NELL1: variants seen among roughly 807,000 people sequenced by gnomAD.
NELL1 encodes neural EGFL like 1.
In NELL1, 76 loss-of-function variants were observed where a neutral mutation model predicts 107.4. The observed-to-expected ratio is 0.71, with a 90% confidence interval of 0.59 to 0.86. The LOEUF is 0.86. Among genes scored for constraint, NELL1 ranks in the 40% least tolerant of loss-of-function variants. The probability of loss-of-function intolerance (pLI) is 0.00; values close to 1 mark genes in which losing one functional copy is unlikely to be tolerated. For synonymous variants in NELL1, 353 were observed against 341.2 expected, an observed-to-expected ratio of 1.03 and a Z score of -0.38; for missense variants, 1,024 against 1,005.5, an observed-to-expected ratio of 1.02 and a Z score of -0.25.
At chr11:21,319,564 A>G (rs1270864272) in intron 14 of NELL1, among the ~76,000 whole-genome samples, 1 of 148,356 alleles carries the variant, frequency 6.7e-6, no homozygotes, top group Admixed American at 6.8e-5. Flanking sequence ...CTGGTCTTGA[A>G]CTCCTGGACT....
intron 12 of NELL1, among the ~76,000 whole-genome samples, chr11:20,988,739 C>T (rs1015623654): frequency 4.0e-5 from 6 of 151,700 alleles, no homozygotes; most frequent in South Asian, 2.1e-4. Context: ...GACAGGCGCC[C>T]GCCACCACAC....
chr11:21,569,214 GA>G (rs35735843), intron 17 of NELL1, among the ~76,000 whole-genome samples: 64,047 of 151,182 alleles, frequency 0.42, 14,752 homozygotes, highest in Non-Finnish European at 0.52. Flanking sequence ...TGACTTTATT[GA>G]AAAAAAAGCC....
chr11:21,192,925 G>A (rs1392247202), intron 13 of NELL1, among the ~76,000 whole-genome samples: 2 of 151,860 alleles, frequency 1.3e-5, no homozygotes, highest in Non-Finnish European at 2.9e-5. Context: ...GGCGGACATC[G>A]TGGAGTCTTT....
intron 11 of NELL1, 47 bp from the exon 12 acceptor site, chr11:20,960,385 C>T: frequency 6.3e-7 from 1 of 1,594,082 alleles, no homozygotes; most frequent in East Asian, 2.2e-5. Context: ...TGGGGAGTTA[C>T]TTTATTTCCT....
intron 11 of NELL1, among the ~76,000 whole-genome samples, chr11:20,958,199 C>T (rs1851217598): frequency 6.6e-6 from 1 of 152,088 alleles, no homozygotes; most frequent in South Asian, 2.1e-4. Flanking sequence ...GGGGAAATCG[C>T]TTGAGCCTAG....
intron 13 of NELL1, among the ~76,000 whole-genome samples, chr11:21,126,914 C>G (rs1036326448): frequency 6.6e-6 from 1 of 152,188 alleles, no homozygotes; most frequent in Non-Finnish European, 1.5e-5. Context: ...AGAAATATCA[C>G]CTTCCTAGAG....
chr11:21,268,501 C>T (rs908556821), intron 14 of NELL1, among the ~76,000 whole-genome samples: 2 of 152,100 alleles, frequency 1.3e-5, no homozygotes, highest in African/African-American at 4.8e-5. Context: ...CAGCCACCTC[C>T]TAGCCTTCCA....
chr11:21,238,549 G>C (rs1229808649), intron 14 of NELL1, among the ~76,000 whole-genome samples: 1 of 152,056 alleles, frequency 6.6e-6, no homozygotes, highest in Non-Finnish European at 1.5e-5. Flanking sequence ...ACAGGTTGGG[G>C]GATGTGGCAA....
chr11:21,457,299 A>G (rs1160802647), intron 15 of NELL1, among the ~76,000 whole-genome samples: 1 of 152,224 alleles, frequency 6.6e-6, no homozygotes, highest in Non-Finnish European at 1.5e-5. Context: ...TAGAGACATG[A>G]GTCAGGTTTC....
intron 15 of NELL1, among the ~76,000 whole-genome samples, chr11:21,461,864 C>T (rs1225497774): frequency 1.3e-5 from 2 of 152,040 alleles, no homozygotes; most frequent in African/African-American, 4.8e-5. Flanking sequence ...AAAGTAAAGA[C>T]CTGGAAACTA....
intron 14 of NELL1, among the ~76,000 whole-genome samples, chr11:21,231,106 AACACATACAT>A (rs1360663254): frequency 2.0e-5 from 3 of 152,156 alleles, no homozygotes; most frequent in African/African-American, 7.2e-5. Flanking sequence ...CGCACACACA[AACACATACAT>A]ACATGTACAC....
chr11:21,378,256 C>CAT (rs2133764304), intron 15 of NELL1, among the ~76,000 whole-genome samples: 1 of 86,530 alleles, frequency 1.2e-5, no homozygotes, highest in East Asian at 3.5e-4. Flanking sequence ...AAAAAATATG[C>CAT]ATATATATGT....
chr11:20,676,719 A>C (rs1854068212), intron 1 of NELL1, among the ~76,000 whole-genome samples: 1 of 152,208 alleles, frequency 6.6e-6, no homozygotes, highest in South Asian at 2.1e-4. Flanking sequence ...TTAAGGTGGG[A>C]GGACAGGTGA....
chr11:21,019,207 G>T (rs1380259981), intron 12 of NELL1, among the ~76,000 whole-genome samples: 3 of 152,192 alleles, frequency 2.0e-5, no homozygotes, highest in Non-Finnish European at 4.4e-5. Context: ...ACCTCCTAGG[G>T]TGTGTTAGTC....
chr11:21,480,714 G>A (rs562231307), intron 15 of NELL1, among the ~76,000 whole-genome samples: 2 of 152,310 alleles, frequency 1.3e-5, no homozygotes, highest in South Asian at 2.1e-4. Flanking sequence ...CTGCTCATTA[G>A]TAAGTAGATG....
intron 15 of NELL1, among the ~76,000 whole-genome samples, chr11:21,490,883 GT>G (rs1245200470): frequency 2.6e-5 from 4 of 152,016 alleles, no homozygotes; most frequent in African/African-American, 9.7e-5. Context: ...CAAAATGTCA[GT>G]CTAAGAAAAG....
chr11:21,401,997 A>G (rs1852107926), intron 15 of NELL1, among the ~76,000 whole-genome samples: 1 of 151,808 alleles, frequency 6.6e-6, no homozygotes, highest in Non-Finnish European at 1.5e-5. Flanking sequence ...TATTAAAAAC[A>G]GGAAAAGCCG....
At chr11:20,820,968 G>T (rs892976311) in intron 3 of NELL1, among the ~76,000 whole-genome samples, 7 of 151,882 alleles carry the variant, frequency 4.6e-5, no homozygotes, top group African/African-American at 1.7e-4. Flanking sequence ...AACTTTATTT[G>T]GCTTGTTCAC....
At chr11:21,035,844 T>C (rs1334114649) in intron 12 of NELL1, among the ~76,000 whole-genome samples, 1 of 152,150 alleles carries the variant, frequency 6.6e-6, no homozygotes, top group African/African-American at 2.4e-5. Flanking sequence ...ATGCCCTCTC[T>C]CACAACTCCT....
Sources: gnomAD v4.1 joint callset for allele counts (sites outside exome capture counted in the v4.1 genomes callset) on GRCh38, gnomAD v4.1.1 for gene constraint, MANE v1.5 for transcripts, NCBI Gene and HGNC (gene_info 2026-07-23, HGNC 2026-07-21) for gene names.